Variants in GALNTL6 observed in about 807,000 individuals in gnomAD.
The protein encoded by GALNTL6 is polypeptide N-acetylgalactosaminyltransferase-like 6.
In GALNTL6, 46 loss-of-function variants were observed where a neutral mutation model predicts 73.7. That is an observed-to-expected ratio of 0.62 (90% confidence interval 0.49 to 0.80). The LOEUF is 0.80. Ranked by LOEUF, GALNTL6 falls within the 30% of genes least tolerant of loss-of-function variation. The pLI is 0.00. For missense variants in GALNTL6, 604 were observed against 755.0 expected (o/e 0.80, Z 2.34); for synonymous variants, 259 against 263.7 (o/e 0.98, Z 0.17).
chr4:171,978,447 T>C (rs1177019308), intron 2 of GALNTL6, among the ~76,000 whole-genome samples: 1 of 152,128 alleles, frequency 6.6e-6, no homozygotes, highest in Non-Finnish European at 1.5e-5. Flanking sequence ...ATGTCCACTC[T>C]AAACTGCCTC....
At chr4:172,843,876 T>C (rs368857012) in intron 7 of GALNTL6, among the ~76,000 whole-genome samples, 2 of 152,136 alleles carry the variant, frequency 1.3e-5, no homozygotes, top group South Asian at 2.1e-4. Context: ...CTGGGCACCA[T>C]AGTGAGACCA....
intron 3 of GALNTL6, among the ~76,000 whole-genome samples, chr4:172,271,626 A>G (rs75947493): frequency 0.011 from 1,674 of 152,220 alleles, 25 homozygotes; most frequent in African/African-American, 0.037. Context: ...CTATATGTGT[A>G]TATTTATTCA....
chr4:172,883,486 A>C (rs770478938), intron 8 of GALNTL6, among the ~76,000 whole-genome samples: 2 of 152,186 alleles, frequency 1.3e-5, no homozygotes, highest in Non-Finnish European at 2.9e-5. Flanking sequence ...TGGTGAAAGC[A>C]AAAGCAAGAG....
intron 4 of GALNTL6, among the ~76,000 whole-genome samples, chr4:172,339,285 A>G (rs1319651468): frequency 6.7e-6 from 1 of 149,804 alleles, no homozygotes; most frequent in East Asian, 2.0e-4. Context: ...ACACACACAC[A>G]CACACACACA....
intron 2 of GALNTL6, among the ~76,000 whole-genome samples, chr4:171,999,481 T>G (rs1481578354): frequency 6.6e-6 from 1 of 152,186 alleles, no homozygotes; most frequent in African/African-American, 2.4e-5. Context: ...GACCATAATG[T>G]CTTTAAATCA....
chr4:172,118,681 T>C (rs113550278), intron 2 of GALNTL6, among the ~76,000 whole-genome samples: 1,605 of 146,130 alleles, frequency 0.011, 31 homozygotes, highest in African/African-American at 0.037. Context: ...GCATGGGAGA[T>C]AGAGCAAGAC....
At chr4:172,674,188 G>T (rs1167835851) in intron 5 of GALNTL6, among the ~76,000 whole-genome samples, 1 of 152,080 alleles carries the variant, frequency 6.6e-6, no homozygotes, top group Non-Finnish European at 1.5e-5. Context: ...TCATTTGCTT[G>T]TGTAAAAAGG....
intron 5 of GALNTL6, among the ~76,000 whole-genome samples, chr4:172,628,981 A>G (rs571436274): frequency 3.9e-5 from 6 of 152,256 alleles, no homozygotes; most frequent in Admixed American, 2.0e-4. Flanking sequence ...CTGACCTCGT[A>G]TATGCCACAA....
intron 5 of GALNTL6, among the ~76,000 whole-genome samples, chr4:172,721,267 A>G (rs1156548274): frequency 6.6e-6 from 1 of 152,200 alleles, no homozygotes. Flanking sequence ...TTATTCCACA[A>G]TGATAACCCT....
intron 2 of GALNTL6, among the ~76,000 whole-genome samples, chr4:171,964,538 C>T (rs148670047): frequency 1.1e-4 from 16 of 152,250 alleles, no homozygotes; most frequent in African/African-American, 2.6e-4. Context: ...ATGGCTCCAG[C>T]CTGGTTTTAA....
chr4:172,351,183 C>CTGTCTGTCTGTCTATCTATTTATCTATT lies in GALNTL6; in HGVS notation c.553+2495_553+2496insGTCTGTCTGTCTATCTATTTATCTATTT, dbSNP rs528746102. The stretch of plus-strand genomic sequence containing the variant: ...TCAAATGTGATCCACAATAATCTGT[C>CTGTCTGTCTGTCTATCTATTTATCTATT]TATCTATCTATCTATCTATCTATCT... On this transcript the variant is annotated intron_variant, in intron 5 of 12. Coordinates refer to ENST00000506823, the MANE Select transcript of GALNTL6 (RefSeq NM_001034845.3). Among the ~76,000 whole-genome samples, 567 of 131,520 alleles carry CTGTCTGTCTGTCTATCTATTTATCTATT rather than the reference C, an allele frequency of 4.3e-3. 4 individuals are homozygous for CTGTCTGTCTGTCTATCTATTTATCTATT. Among genetic ancestry groups the CTGTCTGTCTGTCTATCTATTTATCTATT allele is most frequent in the African/African-American group, 0.018 (546 of 30,584 alleles). 86.3% of individuals were successfully genotyped at this position (131,520 alleles called of 152,430 possible). A position where few individuals can be genotyped will look rare whatever the true frequency, so the allele number is the denominator to read the frequency against.
chr4:172,981,766 T>C (rs1193990996), intron 10 of GALNTL6, among the ~76,000 whole-genome samples: 1 of 150,068 alleles, frequency 6.7e-6, no homozygotes, highest in Non-Finnish European at 1.5e-5. Flanking sequence ...TTGCATTAAA[T>C]CTATAGAATG....
intron 2 of GALNTL6, among the ~76,000 whole-genome samples, chr4:171,833,853 C>T (rs923650616): frequency 6.6e-6 from 1 of 151,770 alleles, no homozygotes; most frequent in Non-Finnish European, 1.5e-5. Context: ...AGCTACATTT[C>T]TCCAACCCAT....
intron 5 of GALNTL6, among the ~76,000 whole-genome samples, chr4:172,354,934 G>A (rs1742099492): frequency 2.0e-5 from 3 of 152,020 alleles, no homozygotes. Context: ...GTGCGAATGT[G>A]AATAATCTCT....
chr4:172,995,560 A>G (rs949500893), intron 10 of GALNTL6, among the ~76,000 whole-genome samples: 1 of 152,174 alleles, frequency 6.6e-6, no homozygotes, highest in African/African-American at 2.4e-5. Flanking sequence ...GACTTAAAGT[A>G]CCTTTCAGGA....
Position 172,254,673 on chromosome 4 carries a change from A to G in GALNTL6, c.247+24909A>G, listed in dbSNP as rs114590513. ...TGATCGTGTAAAGAGCTTACAGCCAATTTGTTCTACAAGCTTGCTTTTAAA... is the reference window on the plus strand; with the variant it reads ...TGATCGTGTAAAGAGCTTACAGCCAGTTTGTTCTACAAGCTTGCTTTTAAA... On this transcript the variant is annotated intron_variant, in intron 3 of 12. Coordinates refer to ENST00000506823, the MANE Select transcript of GALNTL6 (RefSeq NM_001034845.3). Among the ~76,000 whole-genome samples the G allele has an allele frequency of 4.6e-3, 697 of 151,880 alleles. 7 individuals carry two copies. Among genetic ancestry groups the G allele is most frequent in the African/African-American group, 0.016 (659 of 41,538 alleles).
intron 5 of GALNTL6, among the ~76,000 whole-genome samples, chr4:172,679,658 T>C (rs1367660491): frequency 6.6e-6 from 1 of 152,234 alleles, no homozygotes; most frequent in African/African-American, 2.4e-5. Context: ...TTACTCAACC[T>C]GTTATTATTA....
At chr4:172,980,654 C>A (rs1206325519) in intron 10 of GALNTL6, among the ~76,000 whole-genome samples, 7 of 152,222 alleles carry the variant, frequency 4.6e-5, no homozygotes, top group Non-Finnish European at 1.5e-5. Context: ...GGGGAAAAGA[C>A]CCCTCTTCCT....
chr4:172,922,859 C>T (rs1248571410), intron 8 of GALNTL6, among the ~76,000 whole-genome samples: 1 of 152,154 alleles, frequency 6.6e-6, no homozygotes, highest in African/African-American at 2.4e-5. Flanking sequence ...TACAGGTGCA[C>T]TCAAAGAAAT....
Sources: gnomAD v4.1 joint callset for allele counts (sites outside exome capture counted in the v4.1 genomes callset) on GRCh38, gnomAD v4.1.1 for gene constraint, MANE v1.5 for transcripts, NCBI Gene and HGNC (gene_info 2026-07-23, HGNC 2026-07-21) for gene names.